NRG3: variants seen among roughly 807,000 people sequenced by gnomAD.
NRG3 encodes neuregulin 3.
Under a neutral mutation model 66.9 loss-of-function variants are expected in NRG3, and 31 were observed. That is an observed-to-expected ratio of 0.46 (90% confidence interval 0.35 to 0.63). The LOEUF (loss-of-function observed/expected upper bound fraction) is 0.63. Ranked by LOEUF, NRG3 falls within the 20% of genes least tolerant of loss-of-function variation. NRG3 has a pLI of 0.00. For synonymous variants in NRG3, 393 were observed against 359.4 expected, an observed-to-expected ratio of 1.09 and a Z score of -1.06; for missense variants, 910 against 878.9, an observed-to-expected ratio of 1.04 and a Z score of -0.45.
chr10:81,996,428 G>A (rs1006257647), intron 1 of NRG3, among the ~76,000 whole-genome samples: 2 of 152,138 alleles, frequency 1.3e-5, no homozygotes, highest in African/African-American at 2.4e-5. Context: ...AATATAGTAA[G>A]TTACTTATTG....
chr10:82,165,071 T>C (rs533244205), intron 1 of NRG3, among the ~76,000 whole-genome samples: 34 of 152,322 alleles, frequency 2.2e-4, no homozygotes, highest in Non-Finnish European at 4.9e-4. Context: ...TTTTCATGTA[T>C]ATTTTTATAT....
chr10:81,997,723 A>G (rs1041695105), intron 1 of NRG3, among the ~76,000 whole-genome samples: 2 of 152,054 alleles, frequency 1.3e-5, no homozygotes, highest in Non-Finnish European at 2.9e-5. Flanking sequence ...TCAATGTCAG[A>G]TAAGCGCAGC....
chr10:82,885,497 G>T (rs185194689), intron 4 of NRG3, among the ~76,000 whole-genome samples: 2 of 152,268 alleles, frequency 1.3e-5, no homozygotes, highest in Non-Finnish European at 2.9e-5. Context: ...TGCAATTTCT[G>T]CCAGTTTATA....
intron 1 of NRG3, among the ~76,000 whole-genome samples, chr10:82,109,490 A>G (rs1404771327): frequency 6.6e-6 from 1 of 151,954 alleles, no homozygotes; most frequent in Non-Finnish European, 1.5e-5. Flanking sequence ...CAAGGTTTAT[A>G]GAGGCTTATT....
At chr10:82,587,133 C>A (rs999135046) in intron 2 of NRG3, among the ~76,000 whole-genome samples, 1 of 152,042 alleles carries the variant, frequency 6.6e-6, no homozygotes, top group African/African-American at 2.4e-5. Context: ...ACAAGTATAT[C>A]ATATTTTTCC....
At chr10:82,526,578 C>G (rs1039378329) in intron 2 of NRG3, among the ~76,000 whole-genome samples, 1 of 151,574 alleles carries the variant, frequency 6.6e-6, no homozygotes, top group African/African-American at 2.4e-5. Flanking sequence ...AAATAATAAT[C>G]AAAAGAAAGG....
At position 81,980,669 on chromosome 10, in the gene NRG3, C is replaced by T. The variant is rs12415175; in HGVS notation, c.823+104506C>T. Among the ~76,000 whole-genome samples, 58 of 152,212 alleles carry T rather than the reference C, an allele frequency of 3.8e-4. 2 individuals are homozygous for T. Among genetic ancestry groups the T allele is most frequent in the Admixed American group, 2.9e-3 (45 of 15,274 alleles). On this transcript the variant is annotated intron_variant, in intron 1 of 8. Coordinates refer to ENST00000372141, the MANE Select transcript of NRG3 (RefSeq NM_001010848.4). ...AGTGCAAGCTGCTTGTGTTAGTTTG[C>T]GAGGACTTCCATACAAAATATCATA...
At chr10:81,951,122 T>G (rs1006008605) in intron 1 of NRG3, among the ~76,000 whole-genome samples, 1 of 152,168 alleles carries the variant, frequency 6.6e-6, no homozygotes, top group African/African-American at 2.4e-5. Flanking sequence ...ATGTGGCTGC[T>G]GAAATTTTCC....
chr10:82,102,075 CATATATATATGTGTATTCAT>C (rs1450069845), intron 1 of NRG3, among the ~76,000 whole-genome samples: 207 of 112,968 alleles, frequency 1.8e-3, no homozygotes, highest in African/African-American at 4.2e-3. Context: ...TGTGTGTATA[CATATATATATGTGTATTCAT>C]ATATATATAT....
chr10:82,022,507 A>G (rs1386582272), intron 1 of NRG3, among the ~76,000 whole-genome samples: 1 of 152,164 alleles, frequency 6.6e-6, no homozygotes, highest in Non-Finnish European at 1.5e-5. Context: ...GGCCAAAGCA[A>G]GAAAGGCTTT....
At chr10:81,981,010 G>A (rs1038110340) in intron 1 of NRG3, among the ~76,000 whole-genome samples, 22 of 152,112 alleles carry the variant, frequency 1.4e-4, no homozygotes, top group Admixed American at 6.5e-5. Flanking sequence ...GATGGTTGGG[G>A]CTTCAATGTA....
intron 1 of NRG3, among the ~76,000 whole-genome samples, chr10:81,960,409 C>T (rs990666982): frequency 6.6e-6 from 1 of 152,020 alleles, no homozygotes; most frequent in Non-Finnish European, 1.5e-5. Flanking sequence ...ATTTGTATCC[C>T]ACTTTATAAT....
chr10:82,172,693 C>T (rs1468754149), intron 1 of NRG3, among the ~76,000 whole-genome samples: 1 of 152,070 alleles, frequency 6.6e-6, no homozygotes, highest in Non-Finnish European at 1.5e-5. Flanking sequence ...TGGGGTCATG[C>T]CTTTATGCAT....
chr10:82,161,251 T>C (rs2071576179), intron 1 of NRG3, among the ~76,000 whole-genome samples: 1 of 152,100 alleles, frequency 6.6e-6, no homozygotes, highest in African/African-American at 2.4e-5. Flanking sequence ...CATGAAGTTA[T>C]GGGACTTTAG....
intron 1 of NRG3, among the ~76,000 whole-genome samples, chr10:82,192,558 A>G (rs1404894563): frequency 6.6e-6 from 1 of 152,192 alleles, no homozygotes; most frequent in Non-Finnish European, 1.5e-5. Context: ...TGTAAACTCC[A>G]GGTAAAAAAA....
At chr10:82,813,722 T>C (rs1053760724) in intron 3 of NRG3, among the ~76,000 whole-genome samples, 1 of 152,232 alleles carries the variant, frequency 6.6e-6, no homozygotes, top group Non-Finnish European at 1.5e-5. Flanking sequence ...ATATTCATTC[T>C]CTTAACTCCT....
chr10:82,813,855 G>T (rs908843351), intron 3 of NRG3, among the ~76,000 whole-genome samples: 7 of 152,068 alleles, frequency 4.6e-5, no homozygotes, highest in African/African-American at 1.7e-4. Flanking sequence ...AGTAACTGAG[G>T]GCCCAAAGCT....
At chr10:82,519,231 G>T (rs1003870810) in intron 2 of NRG3, among the ~76,000 whole-genome samples, 1 of 152,152 alleles carries the variant, frequency 6.6e-6, no homozygotes, top group Non-Finnish European at 1.5e-5. Flanking sequence ...GTTCTTAGGA[G>T]AATCTATAGT....
At chr10:82,294,352 C>A (rs946383319) in intron 1 of NRG3, among the ~76,000 whole-genome samples, 6 of 152,088 alleles carry the variant, frequency 3.9e-5, no homozygotes, top group African/African-American at 1.4e-4. Context: ...TTTCTAGACC[C>A]ATTTCTAAGA....
Sources: gnomAD v4.1 joint callset for allele counts (sites outside exome capture counted in the v4.1 genomes callset) on GRCh38, gnomAD v4.1.1 for gene constraint, MANE v1.5 for transcripts, NCBI Gene and HGNC (gene_info 2026-07-23, HGNC 2026-07-21) for gene names.